Variants in GREM2 observed in about 807,000 individuals in gnomAD.
GREM2 encodes gremlin-2.
A neutral mutation model predicts 14.2 loss-of-function variants in GREM2; 11 were observed. The ratio of observed to expected loss-of-function variants is 0.78; its 90% confidence interval spans 0.49 to 1.28. GREM2 has a LOEUF of 1.28. Ranked by LOEUF, GREM2 falls within the 50% of genes most tolerant of loss-of-function variation. The pLI is 0.00. For synonymous variants in GREM2, 98 were observed against 97.6 expected, an observed-to-expected ratio of 1.00 and a Z score of -0.02; for missense variants, 210 against 218.5, an observed-to-expected ratio of 0.96 and a Z score of 0.24.
At chr1:240,563,154 T>C (rs113009038) in intron 1 of GREM2, among the ~76,000 whole-genome samples, 10 of 146,740 alleles carry the variant, frequency 6.8e-5, no homozygotes, top group African/African-American at 2.2e-4. Flanking sequence ...TGTGAGTGTG[T>C]ATGTGTGTAC....
At chr1:240,558,047 A>C (rs1178994315) in intron 1 of GREM2, among the ~76,000 whole-genome samples, 2 of 152,170 alleles carry the variant, frequency 1.3e-5, no homozygotes, top group African/African-American at 4.8e-5. Flanking sequence ...ATGCAGTTAA[A>C]TTTTATCTAA....
intron 1 of GREM2, among the ~76,000 whole-genome samples, chr1:240,513,799 C>T (rs1197753917): frequency 6.6e-6 from 1 of 152,068 alleles, no homozygotes; most frequent in Non-Finnish European, 1.5e-5. Context: ...GACTTGGAAA[C>T]TTAACTCATA....
At chr1:240,556,053 A>C (rs1168609219) in intron 1 of GREM2, among the ~76,000 whole-genome samples, 1 of 152,236 alleles carries the variant, frequency 6.6e-6, no homozygotes, top group Admixed American at 6.5e-5. Flanking sequence ...ATAAATACTG[A>C]AAATAATGAG....
intron 1 of GREM2, among the ~76,000 whole-genome samples, chr1:240,557,108 T>G (rs1201412834): frequency 1.3e-5 from 2 of 151,530 alleles, no homozygotes; most frequent in African/African-American, 4.9e-5. Context: ...AGGCAGAGGT[T>G]GCAGTGAGCC....
At chr1:240,586,367 T>C (rs1476354053) in intron 1 of GREM2, among the ~76,000 whole-genome samples, 1 of 152,206 alleles carries the variant, frequency 6.6e-6, no homozygotes, top group Non-Finnish European at 1.5e-5. Flanking sequence ...TTAGCAGAAA[T>C]GGATGCTGAC....
At chr1:240,499,852 G>A (rs1485921222) in intron 1 of GREM2, among the ~76,000 whole-genome samples, 1 of 152,162 alleles carries the variant, frequency 6.6e-6, no homozygotes, top group African/African-American at 2.4e-5. Context: ...GTGCTATAAG[G>A]GCAGAGTGAG....
chr1:240,505,446 C>T (rs9428846), intron 1 of GREM2, among the ~76,000 whole-genome samples: 6,034 of 151,954 alleles, frequency 0.04, 431 homozygotes, highest in African/African-American at 0.14. Flanking sequence ...AAAACAAAAA[C>T]AACAATAAAA....
At chr1:240,610,019 T>C (rs1000665368) in intron 1 of GREM2, among the ~76,000 whole-genome samples, 1 of 152,162 alleles carries the variant, frequency 6.6e-6, no homozygotes, top group Non-Finnish European at 1.5e-5. Flanking sequence ...TTTATATTTA[T>C]CTTTGAAAAG....
chr1:240,567,198 A>G (rs756040560), intron 1 of GREM2, among the ~76,000 whole-genome samples: 1 of 152,192 alleles, frequency 6.6e-6, no homozygotes. Flanking sequence ...CATCAGTGAG[A>G]TGTGGGATAA....
intron 1 of GREM2, among the ~76,000 whole-genome samples, chr1:240,524,928 T>C (rs1678189382): frequency 6.6e-6 from 1 of 152,154 alleles, no homozygotes; most frequent in Admixed American, 6.5e-5. Flanking sequence ...CCAGGGGCTT[T>C]GGGGTCAGGC....
rs921087423 is a variant in GREM2 at position 240,542,052 on chromosome 1, T to G, written c.-1-48576A>C. Among the ~76,000 whole-genome samples, 1 of 152,192 alleles carries G rather than the reference T, an allele frequency of 6.6e-6. No individual in the cohort carries two copies. The highest frequency in any genetic ancestry group is 2.1e-4 in the South Asian group (1 of 4,830). Reference sequence around the variant, plus strand: ...GCCCCTCAGGGGACATTTGTCAATGTGTGGAGGCATTTTTGGTCATCACCA... The same window carrying G: ...GCCCCTCAGGGGACATTTGTCAATGGGTGGAGGCATTTTTGGTCATCACCA... On this transcript the variant is annotated intron_variant, in intron 1 of 1. Transcript: ENST00000318160. This position sits in a 1 kb window ranked among gnomAD's most constrained non-coding sequence, Gnocchi z 4.1.
chr1:240,557,026 C>T lies in GREM2; in HGVS notation c.-2+54858G>A, dbSNP rs550115023. Among the ~76,000 whole-genome samples, 8 of 151,628 alleles carry T rather than the reference C, an allele frequency of 5.3e-5. No individual in the cohort carries two copies. In the South Asian group the frequency reaches 1.0e-3, roughly 20 times the overall value. The stretch of plus-strand genomic sequence containing the variant: ...CTCTACTAAAACACAAAAAATTAGC[C>T]GGGTGTGGCGGTGTGCCCCTGTAGT... On this transcript the variant is annotated intron_variant, in intron 1 of 1. Transcript: ENST00000318160.
intron 1 of GREM2, among the ~76,000 whole-genome samples, chr1:240,520,147 C>T (rs1021176794): frequency 6.8e-6 from 1 of 146,796 alleles, no homozygotes; most frequent in Non-Finnish European, 1.5e-5. Flanking sequence ...CGGAATTGCT[C>T]TCCCACTTAT....
At position 240,505,985 on chromosome 1, in the gene GREM2, A is replaced by T. The variant is rs531313652; in HGVS notation, c.-1-12509T>A. Among the ~76,000 whole-genome samples the T allele has an allele frequency of 2.0e-4, 30 of 152,112 alleles. No homozygotes were observed. The South Asian group carries it at 3.1e-3, about 16-fold the overall frequency. On this transcript the variant is annotated intron_variant, in intron 1 of 1. Transcript: ENST00000318160. ...AAAACGTGGTATAACCATTTTTTTA[A>T]AAAAAAGATCCAGTTTGCAATACTC... is the stretch of plus-strand genomic sequence containing the variant.
chr1:240,494,030 G>A (rs570637989), intron 1 of GREM2, among the ~76,000 whole-genome samples: 2 of 152,364 alleles, frequency 1.3e-5, no homozygotes, highest in East Asian at 3.9e-4. Context: ...GAAAACACGC[G>A]TGTTGAACAG....
intron 1 of GREM2, among the ~76,000 whole-genome samples, chr1:240,568,379 A>G (rs79901666): frequency 0.034 from 5,144 of 152,174 alleles, 278 homozygotes; most frequent in African/African-American, 0.12. Flanking sequence ...TTCATAAAAA[A>G]TTTATCAATC....
chr1:240,503,777 T>A (rs528504946), intron 1 of GREM2, among the ~76,000 whole-genome samples: 2 of 152,350 alleles, frequency 1.3e-5, no homozygotes, highest in Admixed American at 1.3e-4. Flanking sequence ...ACATGTTTCC[T>A]GTGCTCTTTA....
intron 1 of GREM2, among the ~76,000 whole-genome samples, chr1:240,516,214 G>A (rs1487567449): frequency 6.6e-6 from 1 of 151,260 alleles, no homozygotes; most frequent in East Asian, 1.9e-4. Flanking sequence ...TCCCACCTCA[G>A]TATCCCCAGT....
intron 1 of GREM2, among the ~76,000 whole-genome samples, chr1:240,574,622 C>T (rs1215164479): frequency 6.6e-6 from 1 of 152,010 alleles, no homozygotes; most frequent in Non-Finnish European, 1.5e-5. Context: ...TAGAACTCAG[C>T]AAAGTAGGAC....
Sources: allele counts gnomAD v4.1 joint callset (sites outside exome capture counted in the v4.1 genomes callset), GRCh38; gene constraint gnomAD v4.1.1; non-coding constraint Gnocchi (gnomAD v3.1); transcripts MANE v1.5; gene names NCBI Gene and HGNC (gene_info 2026-07-23, HGNC 2026-07-21).